FOXJ3: variants seen among roughly 807,000 people sequenced by gnomAD.
The protein encoded by FOXJ3 is forkhead box protein J3.
Under a neutral mutation model 76.1 loss-of-function variants are expected in FOXJ3, and 22 were observed. The observed-to-expected ratio is 0.29, with a 90% confidence interval of 0.21 to 0.41. FOXJ3 has a LOEUF of 0.41. FOXJ3 is among the 10% of genes least tolerant of loss of function. The pLI is 1.00. For synonymous variants in FOXJ3, 269 were observed against 261.2 expected, an observed-to-expected ratio of 1.03 and a Z score of -0.29; for missense variants, 613 against 762.1, an observed-to-expected ratio of 0.80 and a Z score of 2.30.
chr1:42,310,704 C>A (rs1654754494), intron 2 of FOXJ3, among the ~76,000 whole-genome samples: 1 of 152,130 alleles, frequency 6.6e-6, no homozygotes, highest in African/African-American at 2.4e-5. Context: ...CCCGCCTCGG[C>A]CTCCCAAAAT....
chr1:42,267,135 A>G (rs1570106256), intron 3 of FOXJ3, among the ~76,000 whole-genome samples: 1 of 152,112 alleles, frequency 6.6e-6, no homozygotes, highest in East Asian at 1.9e-4. Flanking sequence ...ACACTGAAAC[A>G]GCCCACCCTA....
intron 2 of FOXJ3, among the ~76,000 whole-genome samples, chr1:42,308,004 C>T (rs977657037): frequency 6.6e-6 from 1 of 152,166 alleles, no homozygotes; most frequent in African/African-American, 2.4e-5. Flanking sequence ...TTTTAATTCA[C>T]TTACTAACTA....
chr1:42,274,899 G>C (rs7527222), intron 3 of FOXJ3, among the ~76,000 whole-genome samples: 90,114 of 151,256 alleles, frequency 0.6, 28,122 homozygotes, highest in East Asian at 0.72. Flanking sequence ...GGGGGCAAAA[G>C]AGACAAGGTC....
chr1:42,197,752 G>C (rs1220749687), intron 7 of FOXJ3, among the ~76,000 whole-genome samples: 1 of 151,532 alleles, frequency 6.6e-6, no homozygotes, highest in African/African-American at 2.4e-5. Context: ...GATTACTCCT[G>C]GGTTCAAGTG....
chr1:42,240,251 C>T (rs1219784223), intron 4 of FOXJ3, among the ~76,000 whole-genome samples: 1 of 152,072 alleles, frequency 6.6e-6, no homozygotes, highest in Non-Finnish European at 1.5e-5. Flanking sequence ...CATGTGTTCA[C>T]AGATGGAAGA....
chr1:42,293,154 C>A (rs1025351856), intron 2 of FOXJ3, among the ~76,000 whole-genome samples: 1 of 152,038 alleles, frequency 6.6e-6, no homozygotes, highest in Non-Finnish European at 1.5e-5. Flanking sequence ...AAAGATTTCT[C>A]AGCTTGGACA....
intron 2 of FOXJ3, among the ~76,000 whole-genome samples, chr1:42,285,547 A>G (rs1292593537): frequency 6.6e-6 from 1 of 152,196 alleles, no homozygotes; most frequent in African/African-American, 2.4e-5. Context: ...AAGTCTCTTA[A>G]GTTTCTAAAA....
rs574566614 is a variant in FOXJ3 at position 42,292,654 on chromosome 1, G to C, written c.45-13982C>G. Among the ~76,000 whole-genome samples the C allele has an allele frequency of 6.6e-5, 10 of 152,330 alleles. No individual in the cohort carries two copies. The South Asian group carries it at 1.9e-3, about 28-fold the overall frequency. ...TACCTTGCAGACAGAGGGACAGCAA[G>C]GAAGAACTTCACAGAAGCACTTCTG... On this transcript the variant is annotated intron_variant, in intron 2 of 12. Coordinates refer to ENST00000361346, the MANE Select transcript of FOXJ3 (RefSeq NM_014947.5).
chr1:42,230,275 T>C (rs1386241669), intron 4 of FOXJ3, among the ~76,000 whole-genome samples: 1 of 152,194 alleles, frequency 6.6e-6, no homozygotes, highest in African/African-American at 2.4e-5. Context: ...AAAATTCCTC[T>C]TCACATATCA....
chr1:42,323,444 G>A (rs973836631), intron 1 of FOXJ3, among the ~76,000 whole-genome samples: 3 of 152,174 alleles, frequency 2.0e-5, no homozygotes, highest in Non-Finnish European at 4.4e-5. Flanking sequence ...CTGGAGGATA[G>A]TGTGGGGAAC....
At chr1:42,234,936 A>G (rs1331429620) in intron 4 of FOXJ3, among the ~76,000 whole-genome samples, 2 of 152,200 alleles carry the variant, frequency 1.3e-5, no homozygotes, top group Non-Finnish European at 2.9e-5. Flanking sequence ...AAGCTGTAAG[A>G]CAGGGACATT....
chr1:42,226,380 G>A (rs1647568569), intron 5 of FOXJ3, among the ~76,000 whole-genome samples: 2 of 152,252 alleles, frequency 1.3e-5, no homozygotes, highest in South Asian at 4.1e-4. Context: ...GAGAGGCCAA[G>A]GTGGGTGGAT....
chr1:42,314,531 C>T (rs546982114), intron 1 of FOXJ3, among the ~76,000 whole-genome samples: 47 of 152,288 alleles, frequency 3.1e-4, no homozygotes, highest in African/African-American at 1.1e-3. Flanking sequence ...GGATTACAGG[C>T]GTGAGGCACC....
chr1:42,295,519 C>CTTT (rs34641810), intron 2 of FOXJ3, among the ~76,000 whole-genome samples: 1,364 of 78,944 alleles, frequency 0.017, 89 homozygotes, highest in African/African-American at 0.053. Context: ...CTACAAGTGT[C>CTTT]TTTTTTTTTT....
intron 1 of FOXJ3, chr1:42,323,726 C>T: frequency 1.0e-6 from 1 of 975,264 alleles, no homozygotes; most frequent in Non-Finnish European, 1.2e-6. Flanking sequence ...CTTGCATGCA[C>T]AGGTACTCAA....
chr1:42,195,007 A>G lies in FOXJ3; in HGVS notation c.817T>C (p.Tyr273His). ...TGCTTGTCTCTTTCTGGAAGGTTGTACTGTGGTTGCTGCTGAGGAGTTAAT... is the reference window on the plus strand; with the variant it reads ...TGCTTGTCTCTTTCTGGAAGGTTGTGCTGTGGTTGCTGCTGAGGAGTTAAT... ...QSLTPQQQPQ[Y>H]NLPERDKQLL... Residue 273 changes from tyrosine to histidine, a missense_variant, in exon 8 of 13, where the codon TAC (tyrosine) becomes CAC (histidine). By Grantham distance (83) the Tyr-to-His change is moderately conservative. This residue lies in a region of FOXJ3 where 526 missense variants were observed against 601.4 expected (regional missense o/e 0.87). Transcript: ENST00000361346. 3.1e-6 allele frequency: 5 copies of G among 1,613,484 alleles called. No homozygotes were observed. Among genetic ancestry groups the G allele is most frequent in the Non-Finnish European group, 4.2e-6 (5 of 1,179,656 alleles).
chr1:42,199,435 T>C (rs905844693), intron 6 of FOXJ3, among the ~76,000 whole-genome samples: 1 of 152,156 alleles, frequency 6.6e-6, no homozygotes, highest in Non-Finnish European at 1.5e-5. Context: ...AAAGGACATG[T>C]CTTTCAGAGG....
At chr1:42,291,079 T>TAGATAGATAGACAGACAGACAGAC (rs1553167254) in intron 2 of FOXJ3, among the ~76,000 whole-genome samples, 23 of 125,656 alleles carry the variant, frequency 1.8e-4, no homozygotes, top group African/African-American at 6.8e-4. Context: ...GATAGATAGA[T>TAGATAGATAGACAGACAGACAGAC]AGATAGACAG....
intron 3 of FOXJ3, among the ~76,000 whole-genome samples, chr1:42,276,829 A>T (rs1407745013): frequency 6.6e-6 from 1 of 152,220 alleles, no homozygotes; most frequent in Non-Finnish European, 1.5e-5. Flanking sequence ...TGTTATGCAC[A>T]AAAGGCCATA....
Sources: gnomAD v4.1 joint callset for allele counts (sites outside exome capture counted in the v4.1 genomes callset) on GRCh38, gnomAD v4.1.1 for gene constraint, gnomAD v4.1.1 regional missense constraint, MANE v1.5 for transcripts, NCBI Gene and HGNC (gene_info 2026-07-23, HGNC 2026-07-21) for gene names.